The following CDK17 variants were observed in gnomAD, a reference collection of about 807,000 sequenced individuals.
The protein encoded by CDK17 is cyclin dependent kinase 17.
Under a neutral mutation model 77.6 loss-of-function variants are expected in CDK17, and 24 were observed. That is an observed-to-expected ratio of 0.31 (90% CI 0.22 to 0.44). The LOEUF (loss-of-function observed/expected upper bound fraction) is 0.44. CDK17 is among the 20% of genes least tolerant of loss of function. The pLI is 1.00. For synonymous variants in CDK17, 203 were observed against 210.4 expected (o/e 0.96, Z 0.30); for missense variants, 429 against 622.5 (o/e 0.69, Z 3.31).
intron 1 of CDK17, among the ~76,000 whole-genome samples, chr12:96,361,566 A>G (rs1302397357): frequency 6.6e-6 from 1 of 152,214 alleles, no homozygotes; most frequent in African/African-American, 2.4e-5. Flanking sequence ...GCAAATATTT[A>G]GAGTTACAAA....
At chr12:96,344,542 G>A (rs192247204) in intron 1 of CDK17, among the ~76,000 whole-genome samples, 23 of 152,156 alleles carry the variant, frequency 1.5e-4, no homozygotes, top group African/African-American at 4.8e-4. Context: ...CAATAGGAAC[G>A]GCATATTTTA....
At chr12:96,398,070 C>T (rs1161931470) in intron 1 of CDK17, among the ~76,000 whole-genome samples, 3 of 152,028 alleles carry the variant, frequency 2.0e-5, no homozygotes, top group African/African-American at 7.2e-5. Flanking sequence ...TTTATTTTCA[C>T]TGTAAAAATA....
rs200728242 is a variant in CDK17, at chr12:96,282,460, T to C, written c.1456+49A>G. Reference sequence around the variant, plus strand: ...TCCCCAATCACCCCAGACCCTAACCTTGGACAAATAAAAATAAAGCAGGGA... The same window carrying C: ...TCCCCAATCACCCCAGACCCTAACCCTGGACAAATAAAAATAAAGCAGGGA... On this transcript the variant is annotated intron_variant, in intron 15 of 16. Coordinates refer to ENST00000261211, the MANE Select transcript of CDK17 (RefSeq NM_002595.5). The C allele has an allele frequency of 1.1e-4, 140 of 1,276,592 alleles. No homozygotes were observed. In the East Asian group the frequency reaches 3.2e-3, roughly 29 times the overall value. The allele number at this position is 1,276,592 out of a possible 1,614,324, so 79.1% of individuals were successfully genotyped here.
At chr12:96,300,557 C>A (rs1167922841) in intron 5 of CDK17, among the ~76,000 whole-genome samples, 197 bp from the exon 6 acceptor site, 1 of 152,022 alleles carries the variant, frequency 6.6e-6, no homozygotes, top group African/African-American at 2.4e-5. Flanking sequence ...GCACCAAGCC[C>A]GGCAAATTTT....
chr12:96,339,473 T>C (rs1168555123), intron 1 of CDK17, among the ~76,000 whole-genome samples: 1 of 151,862 alleles, frequency 6.6e-6, no homozygotes, highest in Non-Finnish European at 1.5e-5. Context: ...CAGAACAATA[T>C]GAAATAAATA....
rs1207383067 is a variant in CDK17 at position 96,295,753 on chromosome 12, G to A, written c.874-631C>T. Among the ~76,000 whole-genome samples, 6 of 152,192 alleles carry A rather than the reference G, an allele frequency of 3.9e-5. No homozygotes were observed. In the East Asian group the frequency reaches 7.7e-4, roughly 19 times the overall value. ...CTACTTAGCCTTCAAAATCTACTGT[G>A]ATTCACAAAGGGGCATTAGCACCGT... On this transcript the variant is annotated intron_variant, in intron 9 of 16. Coordinates refer to ENST00000261211, the MANE Select transcript of CDK17 (RefSeq NM_002595.5).
intron 3 of CDK17, among the ~76,000 whole-genome samples, chr12:96,316,321 G>C (rs572293247): frequency 0.012 from 1,888 of 151,944 alleles, 24 homozygotes; most frequent in Non-Finnish European, 0.02. Flanking sequence ...ACGGAGTCTT[G>C]CTGATTGCTA....
At chr12:96,322,790 A>G (rs1450156813) in intron 3 of CDK17, among the ~76,000 whole-genome samples, 1 of 152,204 alleles carries the variant, frequency 6.6e-6, no homozygotes, top group Non-Finnish European at 1.5e-5. Context: ...TAGTTTACCT[A>G]TTTGTAAACT....
chr12:96,283,859 T>C (rs1339442144), intron 13 of CDK17, among the ~76,000 whole-genome samples: 1 of 152,232 alleles, frequency 6.6e-6, no homozygotes, highest in South Asian at 2.1e-4. Flanking sequence ...TGGCTTCAAT[T>C]TGAATTTTCA....
intron 1 of CDK17, among the ~76,000 whole-genome samples, chr12:96,395,858 C>G (rs1954159733): frequency 6.6e-6 from 1 of 152,194 alleles, no homozygotes; most frequent in African/African-American, 2.4e-5. Context: ...TAAGAGTGCC[C>G]AGGGAGAAGA....
chr12:96,394,048 C>G (rs2137250499), intron 1 of CDK17, among the ~76,000 whole-genome samples: 1 of 152,012 alleles, frequency 6.6e-6, no homozygotes, highest in South Asian at 2.1e-4. Context: ...GAGCTCAAGA[C>G]CAGCCTGGCC....
chr12:96,318,713 G>C (rs1197818063), intron 3 of CDK17, among the ~76,000 whole-genome samples: 9 of 146,624 alleles, frequency 6.1e-5, no homozygotes, highest in Admixed American at 1.4e-4. Context: ...GGTACATAAC[G>C]AAATGAAGGC....
At chr12:96,300,394 C>CTTTTTT in intron 5 of CDK17, 34 bp from the exon 6 acceptor site, 2 of 924,826 alleles carry the variant, frequency 2.2e-6, no homozygotes, top group South Asian at 1.6e-5. Context: ...GTAGTATTTA[C>CTTTTTT]TTTTTTTTTT....
chr12:96,299,350 A>G (rs1952460615), intron 6 of CDK17, among the ~76,000 whole-genome samples: 1 of 152,104 alleles, frequency 6.6e-6, no homozygotes, highest in Admixed American at 6.5e-5. Context: ...ATATTAATTG[A>G]AAAATGAAAA....
intron 1 of CDK17, among the ~76,000 whole-genome samples, chr12:96,393,583 C>T (rs2137249684): frequency 6.6e-6 from 1 of 151,794 alleles, no homozygotes; most frequent in African/African-American, 2.4e-5. Flanking sequence ...AAACACAAAA[C>T]TTAGCCAAGA....
chr12:96,391,637 T>C lies in CDK17; in HGVS notation c.-30+8349A>G, dbSNP rs529176583. ...ATTTTACTCCTGATACACTGACCAA[T>C]ATTTTTAGACCTTCAGAAATGAGTA... On this transcript the variant is annotated intron_variant, in intron 1 of 16. Transcript: ENST00000261211. Among the ~76,000 whole-genome samples the C allele has an allele frequency of 4.4e-3, 664 of 152,320 alleles. 5 individuals carry two copies. The highest frequency in any genetic ancestry group is 0.024 in the Middle Eastern group (7 of 294).
rs149316883 is a variant in CDK17 at position 96,322,536 on chromosome 12, C to G, written c.283+1412G>C. On this transcript the variant is annotated intron_variant, in intron 3 of 16. Transcript: ENST00000261211. ...ACCCTGGTCTAGACAAACAAGAAAACAATAAGCCAGGGCCTGATCTGTAGT... is the reference window on the plus strand; with the variant it reads ...ACCCTGGTCTAGACAAACAAGAAAAGAATAAGCCAGGGCCTGATCTGTAGT... Among the ~76,000 whole-genome samples, 20 of 146,942 alleles carry G rather than the reference C, an allele frequency of 1.4e-4. No individual in the cohort carries two copies. In the East Asian group the frequency reaches 2.2e-3, roughly 16 times the overall value.
chr12:96,286,218 C>A, intron 12 of CDK17, 70 bp from the exon 13 acceptor site: 1 of 348,316 alleles, frequency 2.9e-6, no homozygotes, highest in Non-Finnish European at 4.8e-6. Flanking sequence ...ATTATATACA[C>A]ATATATATAA....
chr12:96,353,605 C>T (rs372635450), intron 1 of CDK17, among the ~76,000 whole-genome samples: 1 of 140,842 alleles, frequency 7.1e-6, no homozygotes, highest in African/African-American at 2.6e-5. Flanking sequence ...TAAAAGGTGG[C>T]GGGGGGGGGC....
Sources: allele counts gnomAD v4.1 joint callset (sites outside exome capture counted in the v4.1 genomes callset), GRCh38; gene constraint gnomAD v4.1.1; transcripts MANE v1.5; gene names NCBI Gene and HGNC (gene_info 2026-07-23, HGNC 2026-07-21).